AKAP14: variants seen among roughly 807,000 people sequenced by gnomAD.
The protein encoded by AKAP14 is A-kinase anchor protein 14.
AKAP14 carries 4 observed loss-of-function variants against 17.0 expected under a neutral mutation model. The ratio of observed to expected loss-of-function variants is 0.23; its 90% CI spans 0.12 to 0.54. The LOEUF (loss-of-function observed/expected upper bound fraction) is 0.54. AKAP14 is among the 20% of genes least tolerant of loss of function. The pLI, the probability that AKAP14 is intolerant of heterozygous loss-of-function variation, is 0.95. For synonymous variants in AKAP14, 42 were observed against 51.3 expected (o/e 0.82, Z 0.77); for missense variants, 129 against 150.9 (o/e 0.85, Z 0.76).
Position 119,920,489 on chromosome X carries a change from T to A in AKAP14, c.495-19T>A. 1 of 1,162,900 alleles carries A rather than the reference T, an allele frequency of 8.6e-7. No homozygotes were observed. The highest frequency in any genetic ancestry group is 1.2e-6 in the Non-Finnish European group (1 of 855,661). On this transcript the variant is annotated intron_variant, in intron 6 of 6. Coordinates refer to ENST00000371431, the MANE Select transcript of AKAP14 (RefSeq NM_178813.6). ...GATTTAAAAATACTTTAAAAGTGTTTGTTTTTCTTCCTTTGTAGACCAGGA... is the reference window on the plus strand; with the variant it reads ...GATTTAAAAATACTTTAAAAGTGTTAGTTTTTCTTCCTTTGTAGACCAGGA...
intron 4 of AKAP14, among the ~76,000 whole-genome samples, chrX:119,905,042 C>T (rs1433818186): frequency 2.8e-5 from 3 of 108,437 alleles, no homozygotes; most frequent in African/African-American, 1.0e-4. Flanking sequence ...CAGAGTGAGA[C>T]CCTGTCTCAA....
chrX:119,903,291 C>T lies in AKAP14; in HGVS notation c.68C>T (p.Thr23Ile), dbSNP rs1335101885. Residue 23 changes from threonine to isoleucine, a missense_variant, in exon 3 of 7, where the codon ACA (threonine) becomes ATA (isoleucine). Thr to Ile is a moderately conservative substitution (Grantham distance 89). Coordinates refer to ENST00000371431, the MANE Select transcript of AKAP14 (RefSeq NM_178813.6). ...GAGGATAACAAAGCCGCAAGCCAAA[C>T]AATGCCGAATACACAAGACAAGAAC... ...MDEDNKAASQ[T>I]MPNTQDKNYE... 1 of 1,211,956 alleles carries T rather than the reference C, an allele frequency of 8.3e-7. No homozygotes were observed. The highest frequency in any genetic ancestry group is 1.8e-5 in the South Asian group (1 of 57,024).
chrX:119,915,868 A>G (rs901647922), intron 5 of AKAP14, among the ~76,000 whole-genome samples: 6 of 111,746 alleles, frequency 5.4e-5, no homozygotes, highest in Non-Finnish European at 9.4e-5. Context: ...ATCTTCTCTC[A>G]CCAAGATTAT....
At chrX:119,905,570 C>T (rs2056592878) in intron 4 of AKAP14, among the ~76,000 whole-genome samples, 2 of 111,285 alleles carry the variant, frequency 1.8e-5, no homozygotes, top group Admixed American at 1.9e-4. Context: ...TCCCTTTCCC[C>T]TCCTGATTTA....
At chrX:119,913,305 T>C (rs755808477) in intron 4 of AKAP14, among the ~76,000 whole-genome samples, 1 of 112,104 alleles carries the variant, frequency 8.9e-6, no homozygotes, top group Admixed American at 9.5e-5. Context: ...ATTAAGTGAG[T>C]TGGATTTTCA....
rs1383770975 is a variant in AKAP14 at position 119,914,779 on chromosome X, C to T, written c.342C>T (p.Ile114=). Residue 114 remains isoleucine, a synonymous_variant, in exon 5 of 7, where the codon ATC becomes ATT. Transcript: ENST00000371431. The part of the protein sequence containing the change: ...RKDLIHSFLY[I]YYVHWSISTA... ...ACTTAATTCACAGCTTCCTCTACAT[C>T]TACTATGTACACTGGAGTATCTCAA... The T allele has an allele frequency of 8.3e-7, 1 of 1,208,587 alleles. No individual in the cohort carries two copies. The highest frequency in any genetic ancestry group is 2.2e-5 in the Admixed American group (1 of 45,960).
At chrX:119,906,221 ATTTCTTTTT>A (rs2147831528) in intron 4 of AKAP14, among the ~76,000 whole-genome samples, 1 of 75,071 alleles carries the variant, frequency 1.3e-5, no homozygotes, top group East Asian at 3.8e-4. Context: ...CATGCCTGGC[ATTTCTTTTT>A]TTTTTTTTTT....
At chrX:119,911,392 A>T (rs1240167380) in intron 4 of AKAP14, among the ~76,000 whole-genome samples, 1 of 109,449 alleles carries the variant, frequency 9.1e-6, no homozygotes, top group Admixed American at 9.9e-5. Flanking sequence ...TAATATGGAG[A>T]CTACAACGCA....
intron 4 of AKAP14, among the ~76,000 whole-genome samples, chrX:119,906,062 A>T (rs901778205): frequency 9.0e-6 from 1 of 111,022 alleles, no homozygotes; most frequent in African/African-American, 3.3e-5. Flanking sequence ...TTCTTCACAG[A>T]TGAAGAGCCA....
At position 119,903,430 on chromosome X, in the gene AKAP14, C is replaced by A. The variant is rs779463226; in HGVS notation, c.169+38C>A. 2.5e-5 allele frequency: 30 copies of A among 1,209,096 alleles called. No homozygotes were observed. The South Asian group carries it at 4.6e-4, about 18-fold the overall frequency. ...TTTGTTTGGATGCCTAAATAATTGT[C>A]TATATAGTCTAAATATAGCACCACA... On this transcript the variant is annotated intron_variant, in intron 3 of 6. Coordinates refer to ENST00000371431, the MANE Select transcript of AKAP14 (RefSeq NM_178813.6).
chrX:119,903,101 G>A, intron 2 of AKAP14, 113 bp from the exon 3 acceptor site: 1 of 746,833 alleles, frequency 1.3e-6, no homozygotes. Flanking sequence ...CTCCCTAGAG[G>A]CAATAACTGC....
intron 4 of AKAP14, among the ~76,000 whole-genome samples, chrX:119,907,262 A>T (rs1442243826): frequency 9.9e-6 from 1 of 101,366 alleles, no homozygotes; most frequent in African/African-American, 3.6e-5. Context: ...TCCCGAGTAG[A>T]TGGGACTACA....
At chrX:119,903,102 C>A in intron 2 of AKAP14, 112 bp from the exon 3 acceptor site, 1 of 759,861 alleles carries the variant, frequency 1.3e-6, no homozygotes, top group South Asian at 2.8e-5. Context: ...TCCCTAGAGG[C>A]AATAACTGCT....
intron 4 of AKAP14, among the ~76,000 whole-genome samples, chrX:119,908,648 T>C (rs937266661): frequency 8.9e-6 from 1 of 112,066 alleles, no homozygotes. Context: ...CATATACTTC[T>C]ATGTGTCTGT....
intron 4 of AKAP14, among the ~76,000 whole-genome samples, chrX:119,904,894 T>A (rs180677695): frequency 0.096 from 9,752 of 101,735 alleles, 592 homozygotes; most frequent in African/African-American, 0.23. Flanking sequence ...CAAAAAATAA[T>A]AATAATAATT....
rs1249185979 is a variant in AKAP14, at chrX:119,895,923, G to A, written c.-188G>A. On this transcript the variant is annotated 5_prime_UTR_variant, in exon 1 of 7. Transcript: ENST00000371431. ...GATGCCCAATACATACCAGCTGTGAGGCTTATCACCACTGTTCTTCCTGGC... is the reference window on the plus strand; with the variant it reads ...GATGCCCAATACATACCAGCTGTGAAGCTTATCACCACTGTTCTTCCTGGC... 1 of 111,565 alleles carries A rather than the reference G, an allele frequency of 9.0e-6. No individual in the cohort carries two copies. The highest frequency in any genetic ancestry group is 1.9e-5 in the Non-Finnish European group (1 of 53,128). The allele number at this position is 111,565 out of a possible 1,213,427, so 9.2% of individuals were successfully genotyped here.
intron 5 of AKAP14, among the ~76,000 whole-genome samples, chrX:119,917,486 T>G (rs1479998265): frequency 8.9e-6 from 1 of 111,798 alleles, no homozygotes; most frequent in Non-Finnish European, 1.9e-5. Context: ...ATGCCTATAA[T>G]CCCAGTAACT....
At chrX:119,906,197 C>CCCCACT (rs1278902908) in intron 4 of AKAP14, among the ~76,000 whole-genome samples, 4 of 108,543 alleles carry the variant, frequency 3.7e-5, no homozygotes, top group African/African-American at 1.3e-4. Flanking sequence ...CTGTTCCCAG[C>CCCCACT]CCCACTAATG....
intron 5 of AKAP14, among the ~76,000 whole-genome samples, chrX:119,916,473 T>TATCTATC (rs1556400903): frequency 9.6e-6 from 1 of 104,622 alleles, no homozygotes; most frequent in East Asian, 3.0e-4. Context: ...TCTATCTATC[T>TATCTATC]ATCTATCTAT....
Sources: gnomAD v4.1 joint callset for allele counts (sites outside exome capture counted in the v4.1 genomes callset) on GRCh38, gnomAD v4.1.1 for gene constraint, MANE v1.5 for transcripts, NCBI Gene and HGNC (gene_info 2026-07-23, HGNC 2026-07-21) for gene names.